THRAP3: variants seen among roughly 807,000 people sequenced by gnomAD.
THRAP3 encodes the protein thyroid hormone receptor associated protein 3.
THRAP3 carries 16 observed loss-of-function variants against 101.0 expected under a neutral mutation model. That is an observed-to-expected ratio of 0.16 (90% CI 0.11 to 0.24). The LOEUF is 0.24. Ranked by LOEUF, THRAP3 falls within the 10% of genes least tolerant of loss-of-function variation. The pLI, the probability that THRAP3 is intolerant of heterozygous loss-of-function variation, is 1.00. For synonymous variants in THRAP3, 407 were observed against 422.6 expected (o/e 0.96, Z 0.45); for missense variants, 989 against 1,202.7 (o/e 0.82, Z 2.63).
chr1:36,258,380 G>C (rs943963465), intron 1 of THRAP3, among the ~76,000 whole-genome samples: 14 of 152,142 alleles, frequency 9.2e-5, no homozygotes, highest in African/African-American at 3.4e-4. Context: ...TGCTATATTT[G>C]TACTTACATT....
At chr1:36,288,881 T>A in intron 4 of THRAP3, 179 bp from the exon 5 acceptor site, 2 of 985,400 alleles carry the variant, frequency 2.0e-6, no homozygotes, top group Non-Finnish European at 2.4e-6. Context: ...TTCATAGAAC[T>A]GTGAATGGCA....
intron 10 of THRAP3, 152 bp from the exon 11 acceptor site, chr1:36,301,401 G>A: frequency 9.5e-7 from 1 of 1,056,640 alleles, no homozygotes; most frequent in Non-Finnish European, 1.3e-6. Flanking sequence ...GAGATGAGCA[G>A]AAAGGGAATG....
At chr1:36,299,901 ATTTCCCCTTTG>A (rs1646010762) in intron 9 of THRAP3, among the ~76,000 whole-genome samples, 1 of 152,166 alleles carries the variant, frequency 6.6e-6, no homozygotes, top group Non-Finnish European at 1.5e-5. Flanking sequence ...AGTAACTTAG[ATTTCCCCTTTG>A]TATGAATAAG....
At chr1:36,287,968 A>G (rs1645816988) in intron 4 of THRAP3, 2 of 973,940 alleles carry the variant, frequency 2.1e-6, no homozygotes, top group Non-Finnish European at 2.4e-6. Context: ...TGTGGTCAAG[A>G]GGGACTAACC....
At chr1:36,213,959 G>GAAAGAAAGA in the THRAP3 span, among the ~76,000 whole-genome samples, 1 of 107,518 alleles carries the variant, frequency 9.3e-6, no homozygotes, top group African/African-American at 4.3e-5. Flanking sequence ...AAGAAAGAAA[G>GAAAGAAAGA]AAGGAAAGAG....
intron 1 of THRAP3, among the ~76,000 whole-genome samples, chr1:36,231,783 A>G (rs2124352228): frequency 6.6e-6 from 1 of 152,284 alleles, no homozygotes; most frequent in South Asian, 2.1e-4. Context: ...AGATGGTCCC[A>G]GTTTATCTAA....
At chr1:36,282,802 T>TA (rs1553123317) in intron 3 of THRAP3, 102 bp downstream of exon 3, 32 of 1,381,138 alleles carry the variant, frequency 2.3e-5, no homozygotes, top group Non-Finnish European at 6.1e-6. Context: ...TCAAATGGAC[T>TA]GGGGGGTTGG....
chr1:36,303,057 T>C (rs1646049855), intron 11 of THRAP3, among the ~76,000 whole-genome samples: 1 of 151,782 alleles, frequency 6.6e-6, no homozygotes, highest in African/African-American at 2.4e-5. Context: ...GCAGTTCTCC[T>C]GCGTCAGCTT....
upstream of THRAP3, among the ~76,000 whole-genome samples, chr1:36,221,159 T>A (rs1254323214): frequency 1.4e-5 from 2 of 139,252 alleles, no homozygotes; most frequent in Non-Finnish European, 3.0e-5. Flanking sequence ...TGCACTGCAA[T>A]CTGGGTGACA....
chr1:36,224,526 G>T (rs1478759588), intron 1 of THRAP3, 21 bp downstream of exon 1: 2 of 152,644 alleles, frequency 1.3e-5, no homozygotes, highest in Admixed American at 1.3e-4. Context: ...GCCTCTGATG[G>T]AAGTTAGGGC....
chr1:36,252,956 AT>A lies in THRAP3; in HGVS notation c.-134-6425del, dbSNP rs1557819419. On this transcript the variant is annotated intron_variant, in intron 1 of 11. Coordinates refer to ENST00000354618, the MANE Select transcript of THRAP3 (RefSeq NM_005119.4). ...TATATATATATATATATATATATAT[AT>A]ATATATATATATAAATGTAAATAAT... 2.1e-3 allele frequency among the ~76,000 whole-genome samples: 302 copies of A among 140,496 alleles called. 3 individuals carry two copies. Among genetic ancestry groups the A allele is most frequent in the African/African-American group, 7.6e-3 (291 of 38,368 alleles). 92.2% of individuals were successfully genotyped at this position (140,496 alleles called of 152,430 possible). A position where few individuals can be genotyped will look rare whatever the true frequency, so the allele number is the denominator to read the frequency against.
At chr1:36,282,921 C>T (rs1168927569) in intron 3 of THRAP3, among the ~76,000 whole-genome samples, 4 of 152,206 alleles carry the variant, frequency 2.6e-5, no homozygotes, top group Non-Finnish European at 4.4e-5. Flanking sequence ...TCTGCCAGCA[C>T]ATAGTATTTC....
intron 4 of THRAP3, chr1:36,287,677 C>T: frequency 1.0e-6 from 1 of 985,424 alleles, no homozygotes; most frequent in Non-Finnish European, 1.2e-6. Flanking sequence ...CTGCATCAGC[C>T]TATCATGGTG....
chr1:36,238,958 G>GAGTC lies in THRAP3; in HGVS notation c.-135+14454_-135+14457dup, dbSNP rs1458860162. 7.3e-5 allele frequency among the ~76,000 whole-genome samples: 11 copies of GAGTC among 151,724 alleles called. No individual in the cohort carries two copies. The East Asian group carries it at 1.9e-3, about 27-fold the overall frequency. On this transcript the variant is annotated intron_variant, in intron 1 of 11. Coordinates refer to ENST00000354618, the MANE Select transcript of THRAP3 (RefSeq NM_005119.4). ...ATTATTATTATTATTTTTTGAGATG[G>GAGTC]AGTCTTGCTCTGTCGCCTAGGCTGG...
intron 1 of THRAP3, among the ~76,000 whole-genome samples, chr1:36,232,900 A>G (rs1186421619): frequency 1.5e-5 from 2 of 134,380 alleles, no homozygotes; most frequent in Admixed American, 7.8e-5. Context: ...TTTTTGAGAC[A>G]GTCTCACTCT....
intron 1 of THRAP3, among the ~76,000 whole-genome samples, chr1:36,241,635 G>A (rs1645162780): frequency 6.7e-6 from 1 of 148,208 alleles, no homozygotes; most frequent in Non-Finnish European, 1.5e-5. Context: ...CTGGAGTGCA[G>A]TGGCGTGATC....
At chr1:36,239,166 A>G (rs1190376498) in intron 1 of THRAP3, among the ~76,000 whole-genome samples, 1 of 148,972 alleles carries the variant, frequency 6.7e-6, no homozygotes, top group Non-Finnish European at 1.5e-5. Flanking sequence ...GGCCTCCCAA[A>G]GTTCTGGGAT....
chr1:36,291,251 C>A, intron 5 of THRAP3, 123 bp from the exon 6 acceptor site: 3 of 1,043,250 alleles, frequency 2.9e-6, no homozygotes, highest in Non-Finnish European at 2.7e-6. Flanking sequence ...TTACTTTCAA[C>A]TTCGGTAGGA....
chr1:36,304,009 A>G lies in THRAP3; in HGVS notation c.2860A>G (p.Thr954Ala), dbSNP rs748727036. Reference sequence around the variant, plus strand: ...AGAGAAGGACAATATACAGCCCACAACCGAGTAGGGGCCACCCTTGACGGG... The same window carrying G: ...AGAGAAGGACAATATACAGCCCACAGCCGAGTAGGGGCCACCCTTGACGGG... ...REEKDNIQPT[T>A]E Residue 954 changes from threonine to alanine, a missense_variant, in exon 12 of 12, where the codon ACC becomes GCC. Transcript: ENST00000354618. 101 of 1,548,692 alleles carry G rather than the reference A, an allele frequency of 6.5e-5. No homozygotes were observed. Among genetic ancestry groups the G allele is most frequent in the Non-Finnish European group, 8.2e-5 (94 of 1,147,536 alleles).
Sources: gnomAD v4.1 joint callset for allele counts (sites outside exome capture counted in the v4.1 genomes callset) on GRCh38, gnomAD v4.1.1 for gene constraint, MANE v1.5 for transcripts, NCBI Gene and HGNC (gene_info 2026-07-23, HGNC 2026-07-21) for gene names.